The following MCF2L variants were observed in gnomAD, a reference collection of about 807,000 sequenced individuals.
MCF2L encodes the protein guanine nucleotide exchange factor DBS.
MCF2L carries 97 observed loss-of-function variants against 153.4 expected under a neutral mutation model. The observed-to-expected ratio is 0.63, with a 90% CI of 0.54 to 0.75. The LOEUF (loss-of-function observed/expected upper bound fraction) is 0.75, where lower values mean the gene tolerates loss of function less well. MCF2L is among the 30% of genes least tolerant of loss of function. The pLI, the probability that MCF2L is intolerant of heterozygous loss-of-function variation, is 0.00. For synonymous variants in MCF2L, 659 were observed against 632.2 expected, an observed-to-expected ratio of 1.04 and a Z score of -0.64; for missense variants, 1,347 against 1,495.2, an observed-to-expected ratio of 0.90 and a Z score of 1.64.
chr13:113,096,672 G>A lies in MCF2L; in HGVS notation c.3292+19G>A, dbSNP rs764307750. 5 of 1,570,576 alleles carry A rather than the reference G, an allele frequency of 3.2e-6. No individual in the cohort carries two copies. In the African/African-American group the frequency reaches 4.1e-5, roughly 13 times the overall value. On this transcript the variant is annotated intron_variant, in intron 29 of 29. Transcript: ENST00000535094. ...AGCTCAGGTAAGGCCCACGTGCCCC[G>A]AGCCCACCCGTGACGCTGCCAAGGG... is the stretch of plus-strand genomic sequence containing the variant.
chr13:112,918,365 G>A (rs1041373752), intron 2 of MCF2L, among the ~76,000 whole-genome samples: 6 of 152,222 alleles, frequency 3.9e-5, no homozygotes, highest in Non-Finnish European at 5.9e-5. Flanking sequence ...CCGTGTTGGG[G>A]AACTCCAGTA....
At chr13:112,968,778 C>A (rs1350953981), upstream of MCF2L, 7 of 1,348,026 alleles carry the variant, frequency 5.2e-6, no homozygotes, top group Non-Finnish European at 6.6e-6. Context: ...GGTCCACTCG[C>A]GGCTTCGCGG....
intron 1 of MCF2L, chr13:112,979,624 G>A: frequency 6.2e-7 from 1 of 1,611,354 alleles, no homozygotes. Flanking sequence ...TGAAGAACCA[G>A]AGCTGCCTCC....
chr13:112,920,855 C>T (rs899242223), intron 2 of MCF2L, among the ~76,000 whole-genome samples: 2 of 152,070 alleles, frequency 1.3e-5, no homozygotes, highest in Non-Finnish European at 2.9e-5. Flanking sequence ...TCACTCTGCA[C>T]AAGAGACACT....
At chr13:112,899,577 G>A (rs995854003) in intron 1 of MCF2L, among the ~76,000 whole-genome samples, 7 of 152,284 alleles carry the variant, frequency 4.6e-5, no homozygotes, top group African/African-American at 1.2e-4. Context: ...CCTTCACCAC[G>A]TGAGAGCTGT....
chr13:112,956,562 G>A (rs1202718460), intron 2 of MCF2L: 1 of 152,274 alleles, frequency 6.6e-6, no homozygotes, highest in Non-Finnish European at 1.5e-5. Context: ...GGATGATGAG[G>A]AGGCAGAGTT....
intron 26 of MCF2L, 106 bp downstream of exon 26, chr13:113,089,834 C>A: frequency 6.2e-7 from 1 of 1,611,192 alleles, no homozygotes; most frequent in Non-Finnish European, 8.5e-7. Context: ...TGTGAAGAAG[C>A]TTTGCAGAGC....
In MCF2L at chr13:113,052,003, C is replaced by T. The variant is rs146247694; in HGVS notation, c.369+6642C>T. On this transcript the variant is annotated intron_variant, in intron 4 of 29. Coordinates refer to ENST00000535094, the MANE Select transcript of MCF2L (RefSeq NM_001112732.3). ...CATGAGTTTCGAAGTTTGGTAGGGA[C>T]GAACATTCCAACCACACCAAATGTA... 7.8e-4 allele frequency among the ~76,000 whole-genome samples: 119 copies of T among 152,264 alleles called. 2 individuals are homozygous for T. Among genetic ancestry groups the T allele is most frequent in the East Asian group, 4.4e-3 (23 of 5,182 alleles).
chr13:112,940,485 C>T (rs147374125), intron 2 of MCF2L, among the ~76,000 whole-genome samples: 3 of 152,332 alleles, frequency 2.0e-5, no homozygotes, highest in East Asian at 1.9e-4. Flanking sequence ...GAGGCGCTGC[C>T]GGCTGTGTAC....
At chr13:113,047,338 C>G (rs2086879306) in intron 4 of MCF2L, 1 of 152,250 alleles carries the variant, frequency 6.6e-6, no homozygotes, top group African/African-American at 2.4e-5. Context: ...CCATCACCAG[C>G]TAACAGCCAT....
At chr13:113,015,656 G>T (rs375038877) in intron 2 of MCF2L, among the ~76,000 whole-genome samples, 28 of 152,318 alleles carry the variant, frequency 1.8e-4, no homozygotes, top group African/African-American at 6.7e-4. Flanking sequence ...CCGGGCCTTG[G>T]GGTCTGAGGG....
chr13:113,004,452 C>T (rs76863630), intron 1 of MCF2L, among the ~76,000 whole-genome samples: 5,691 of 152,326 alleles, frequency 0.037, 365 homozygotes, highest in African/African-American at 0.13. Flanking sequence ...GCCCCCATGG[C>T]GCAGTGCTGG....
At chr13:113,060,942 A>G (rs1036882127) in intron 5 of MCF2L, among the ~76,000 whole-genome samples, 1 of 139,778 alleles carries the variant, frequency 7.2e-6, no homozygotes, top group Non-Finnish European at 1.5e-5. Context: ...TGCACAGAGC[A>G]TCAACCTCAG....
rs562830260 is a variant in MCF2L, at chr13:113,045,418, G to A, written c.369+57G>A. On this transcript the variant is annotated intron_variant, in intron 4 of 29. Coordinates refer to ENST00000535094, the MANE Select transcript of MCF2L (RefSeq NM_001112732.3). The surrounding 1 kb of genome is among the most constrained non-coding windows in gnomAD (Gnocchi z 4.2). ...CGGCCCCTCCCTGGGCTGCATGACC[G>A]CATGGTGCCCTTCCTCTGTGTCTGC... 973 of 1,343,596 alleles carry A rather than the reference G, an allele frequency of 7.2e-4. 11 individuals carry two copies. The South Asian group carries it at 0.01, about 14-fold the overall frequency. 83.2% of individuals were successfully genotyped at this position (1,343,596 alleles called of 1,614,324 possible). A position where few individuals can be genotyped will look rare whatever the true frequency, so the allele number is the denominator to read the frequency against.
intron 2 of MCF2L, among the ~76,000 whole-genome samples, chr13:112,953,400 C>T (rs575991330): frequency 1.3e-5 from 2 of 152,148 alleles, no homozygotes; most frequent in African/African-American, 2.4e-5. Context: ...AGGGGCTCCT[C>T]GGTGAGAGGT....
rs1480362958 is a variant in MCF2L at position 113,054,002 on chromosome 13, A to G, written c.370-6591A>G. 6.6e-6 allele frequency among the ~76,000 whole-genome samples: 1 copy of G among 152,152 alleles called. No individual in the cohort carries two copies. Among genetic ancestry groups the G allele is most frequent in the Non-Finnish European group, 1.5e-5 (1 of 68,034 alleles). ...GCGAAACGCAACCAACGCTGGGCAG[A>G]ACCTTGGCACAACTTTGCTGGTGTC... On this transcript the variant is annotated intron_variant, in intron 4 of 29. Coordinates refer to ENST00000535094, the MANE Select transcript of MCF2L (RefSeq NM_001112732.3). This position sits in a 1 kb window ranked among gnomAD's most constrained non-coding sequence, Gnocchi z 5.2.
Position 113,012,867 on chromosome 13 carries a change from A to T in MCF2L, c.80-1896A>T, listed in dbSNP as rs572316658. ...GGTGGACAGGCGGTGTGGACGGTGG[A>T]CACTGAGATGCGGACGGTGGACAGG... On this transcript the variant is annotated intron_variant, in intron 1 of 29. Coordinates refer to ENST00000535094, the MANE Select transcript of MCF2L (RefSeq NM_001112732.3). Among the ~76,000 whole-genome samples the T allele has an allele frequency of 4.7e-5, 3 of 63,956 alleles. 1 individual carries two copies. In the South Asian group the frequency reaches 3.3e-3, roughly 70 times the overall value. The allele number at this position is 63,956 out of a possible 152,430, so 42.0% of individuals were successfully genotyped here.
At position 113,045,010 on chromosome 13, in the gene MCF2L, T is replaced by C; in HGVS notation, c.279-261T>C. Reference sequence around the variant, plus strand: ...CTCGGGAGAGATGGTTCTGCCTCAATCTGTGACTCGAGGTGGTTGGTGTTA... The same window carrying C: ...CTCGGGAGAGATGGTTCTGCCTCAACCTGTGACTCGAGGTGGTTGGTGTTA... On this transcript the variant is annotated intron_variant, in intron 3 of 29. Transcript: ENST00000535094. This position sits in a 1 kb window ranked among gnomAD's most constrained non-coding sequence, Gnocchi z 4.2. 7.5e-7 allele frequency: 1 copy of C among 1,336,026 alleles called. No individual in the cohort carries two copies. Among genetic ancestry groups the C allele is most frequent in the Non-Finnish European group, 1.0e-6 (1 of 964,162 alleles). The allele number at this position is 1,336,026 out of a possible 1,614,324, so 82.8% of individuals were successfully genotyped here. A position where few individuals can be genotyped will look rare whatever the true frequency, so the allele number is the denominator to read the frequency against.
intron 2 of MCF2L, among the ~76,000 whole-genome samples, chr13:112,942,899 G>A (rs1005825098): frequency 4.6e-5 from 7 of 152,286 alleles, no homozygotes; most frequent in Non-Finnish European, 7.4e-5. Flanking sequence ...AGCAGAGGGT[G>A]CTGTTGGGCA....
Sources: gnomAD v4.1 joint callset for allele counts (sites outside exome capture counted in the v4.1 genomes callset) on GRCh38, gnomAD v4.1.1 for gene constraint, Gnocchi (gnomAD v3.1) non-coding constraint, MANE v1.5 for transcripts, NCBI Gene and HGNC (gene_info 2026-07-23, HGNC 2026-07-21) for gene names.